The following MAST4 variants were observed in gnomAD, a reference collection of about 807,000 sequenced individuals.
MAST4 encodes the protein microtubule-associated serine/threonine-protein kinase 4.
In MAST4, 89 loss-of-function variants were observed where a neutral mutation model predicts 162.7. The ratio of observed to expected loss-of-function variants is 0.55; its 90% confidence interval spans 0.46 to 0.65. MAST4 has a LOEUF of 0.65. Among genes scored for constraint, MAST4 ranks in the 30% least tolerant of loss-of-function variants. The pLI, the probability that MAST4 is intolerant of heterozygous loss-of-function variation, is 0.00. For synonymous variants in MAST4, 1,479 were observed against 1,361.1 expected (o/e 1.09, Z -1.91); for missense variants, 3,153 against 3,374.0 (o/e 0.93, Z 1.62).
chr5:66,803,209 C>T (rs1278188360), intron 3 of MAST4, among the ~76,000 whole-genome samples: 1 of 152,164 alleles, frequency 6.6e-6, no homozygotes, highest in African/African-American at 2.4e-5. Context: ...TCTCTATATA[C>T]ATGAGTCTGT....
chr5:66,947,746 C>T (rs776174174), intron 4 of MAST4, among the ~76,000 whole-genome samples: 10 of 152,168 alleles, frequency 6.6e-5, no homozygotes, highest in Admixed American at 4.6e-4. Context: ...TAGTGTATCC[C>T]GGACCCCACA....
At chr5:67,085,980 A>G (rs1299400873) in intron 5 of MAST4, among the ~76,000 whole-genome samples, 1 of 152,142 alleles carries the variant, frequency 6.6e-6, no homozygotes, top group Non-Finnish European at 1.5e-5. Context: ...AGGAGATCCT[A>G]GGTTTGATTC....
chr5:66,704,165 C>T (rs1349335323), intron 1 of MAST4, among the ~76,000 whole-genome samples: 4 of 152,068 alleles, frequency 2.6e-5, no homozygotes, highest in Admixed American at 1.3e-4. Context: ...TATTATACCA[C>T]GTCTATTTGG....
chr5:67,078,886 T>TTTATATATATTTATATAAA (rs1561621642), intron 5 of MAST4, among the ~76,000 whole-genome samples: 3 of 76,410 alleles, frequency 3.9e-5, no homozygotes, highest in African/African-American at 1.7e-4. Flanking sequence ...ATAAATATAT[T>TTTATATATATTTATATAAA]TATATATTTA....
At chr5:66,986,270 A>G (rs1024389919) in intron 4 of MAST4, among the ~76,000 whole-genome samples, 12 of 152,280 alleles carry the variant, frequency 7.9e-5, no homozygotes, top group Admixed American at 7.8e-4. Context: ...AGGGCAAGGA[A>G]GAAGTGTTAA....
intron 1 of MAST4, among the ~76,000 whole-genome samples, chr5:66,602,598 G>A (rs1431338573): frequency 2.0e-5 from 3 of 152,018 alleles, no homozygotes; most frequent in African/African-American, 4.8e-5. Flanking sequence ...CTCATAGGAC[G>A]TGTCCCACAG....
chr5:66,997,968 G>A (rs937869411), intron 4 of MAST4, among the ~76,000 whole-genome samples: 2 of 152,170 alleles, frequency 1.3e-5, no homozygotes, highest in Non-Finnish European at 2.9e-5. Flanking sequence ...TGTTACAGAA[G>A]CATGTGATTT....
chr5:66,745,692 T>C (rs1561300733), intron 1 of MAST4, among the ~76,000 whole-genome samples: 1 of 152,218 alleles, frequency 6.6e-6, no homozygotes. Context: ...GCTGTAGAAT[T>C]GCTTGTACCT....
At chr5:66,733,029 G>T (rs1188006649) in intron 1 of MAST4, among the ~76,000 whole-genome samples, 1 of 152,096 alleles carries the variant, frequency 6.6e-6, no homozygotes, top group East Asian at 1.9e-4. Context: ...CATTGTGTTT[G>T]TTTTTTATGC....
At chr5:66,661,436 G>A (rs918222743) in intron 1 of MAST4, among the ~76,000 whole-genome samples, 5 of 152,206 alleles carry the variant, frequency 3.3e-5, no homozygotes, top group African/African-American at 9.6e-5. Flanking sequence ...TCACTGGCCA[G>A]AACTGTTTTG....
intron 3 of MAST4, among the ~76,000 whole-genome samples, chr5:66,820,251 A>G (rs1756929499): frequency 6.6e-6 from 1 of 152,210 alleles, no homozygotes; most frequent in Admixed American, 6.5e-5. Flanking sequence ...CTCTAGGTAT[A>G]TCTTTTCACT....
intron 1 of MAST4, among the ~76,000 whole-genome samples, chr5:66,671,058 G>T (rs556007643): frequency 6.6e-6 from 1 of 152,226 alleles, no homozygotes; most frequent in African/African-American, 2.4e-5. Flanking sequence ...CTGTGATTGT[G>T]TGTGTGTGCC....
At chr5:66,945,367 A>G (rs1056962050) in intron 4 of MAST4, among the ~76,000 whole-genome samples, 1 of 152,150 alleles carries the variant, frequency 6.6e-6, no homozygotes, top group Non-Finnish European at 1.5e-5. Flanking sequence ...TTTAAAACCT[A>G]TGAACATATT....
chr5:66,934,782 A>AG (rs1323158788), intron 4 of MAST4, among the ~76,000 whole-genome samples: 1 of 152,138 alleles, frequency 6.6e-6, no homozygotes, highest in Non-Finnish European at 1.5e-5. Context: ...CTGGCAGCAA[A>AG]GGGGGAATTC....
chr5:67,157,746 C>T (rs1772707437), intron 26 of MAST4, among the ~76,000 whole-genome samples: 1 of 152,126 alleles, frequency 6.6e-6, no homozygotes, highest in Non-Finnish European at 1.5e-5. Flanking sequence ...TCAGTGACCT[C>T]GGAAACAAGA....
intron 2 of MAST4, among the ~76,000 whole-genome samples, chr5:66,766,286 CA>C (rs1754092546): frequency 6.6e-6 from 1 of 151,954 alleles, no homozygotes; most frequent in Admixed American, 6.6e-5. Flanking sequence ...TTTTTCCCCC[CA>C]AATGTTTGGG....
At chr5:67,081,075 TTG>T (rs1262329052) in intron 5 of MAST4, among the ~76,000 whole-genome samples, 1 of 74,988 alleles carries the variant, frequency 1.3e-5, no homozygotes, top group African/African-American at 1.1e-4. Flanking sequence ...TAATATATAA[TTG>T]TATATATTAT....
chr5:66,863,794 G>A (rs1760286550), intron 3 of MAST4, among the ~76,000 whole-genome samples: 1 of 152,084 alleles, frequency 6.6e-6, no homozygotes, highest in Admixed American at 6.5e-5. Context: ...ATGGCTGAAT[G>A]CTTTACTGAA....
At chr5:66,823,585 C>A (rs1040406182) in intron 3 of MAST4, among the ~76,000 whole-genome samples, 10 of 152,172 alleles carry the variant, frequency 6.6e-5, no homozygotes, top group Non-Finnish European at 1.0e-4. Flanking sequence ...TCAAGAGATT[C>A]TCATGCCTCA....
Sources: gnomAD v4.1 joint callset for allele counts (sites outside exome capture counted in the v4.1 genomes callset) on GRCh38, gnomAD v4.1.1 for gene constraint, MANE v1.5 for transcripts, NCBI Gene and HGNC (gene_info 2026-07-23, HGNC 2026-07-21) for gene names.